Variants in SLC14A2 observed in about 807,000 individuals in gnomAD.
SLC14A2 encodes solute carrier family 14 member 2.
SLC14A2 carries 91 observed loss-of-function variants against 104.6 expected under a neutral mutation model. That is an observed-to-expected ratio of 0.87 (90% CI 0.73 to 1.04). SLC14A2 has a LOEUF of 1.04. Ranked by LOEUF, SLC14A2 falls within the 50% of genes least tolerant of loss-of-function variation. The pLI is 0.00. For synonymous variants in SLC14A2, 476 were observed against 466.4 expected, an observed-to-expected ratio of 1.02 and a Z score of -0.27; for missense variants, 1,189 against 1,156.0, an observed-to-expected ratio of 1.03 and a Z score of -0.41.
intron 10 of SLC14A2, among the ~76,000 whole-genome samples, chr18:45,645,636 T>TATATATATATATTTATAA (rs1377328839): frequency 6.7e-6 from 1 of 148,660 alleles, no homozygotes; most frequent in Non-Finnish European, 1.5e-5. Context: ...TATACAAAGA[T>TATATATATATATTTATAA]ATATATAGAT....
intron 2 of SLC14A2, among the ~76,000 whole-genome samples, chr18:45,556,214 C>T (rs2044131298): frequency 2.6e-5 from 4 of 152,178 alleles, no homozygotes; most frequent in South Asian, 2.1e-4. Context: ...ACTGAATCAC[C>T]TCCTAGTACC....
chr18:45,452,740 A>C (rs1368839946), intron 1 of SLC14A2, among the ~76,000 whole-genome samples: 1 of 152,230 alleles, frequency 6.6e-6, no homozygotes, highest in East Asian at 1.9e-4. Context: ...AGTCAAAGCC[A>C]TGAGGGGCTA....
At chr18:45,492,834 T>C (rs1016163833) in intron 2 of SLC14A2, among the ~76,000 whole-genome samples, 4 of 152,202 alleles carry the variant, frequency 2.6e-5, no homozygotes, top group African/African-American at 9.7e-5. Flanking sequence ...AGGTGCTGCT[T>C]TCCTCAATAG....
chr18:45,505,136 C>T (rs559945177), intron 2 of SLC14A2, among the ~76,000 whole-genome samples: 4 of 152,196 alleles, frequency 2.6e-5, no homozygotes, highest in South Asian at 2.1e-4. Context: ...CAAAGCAAAT[C>T]GGAAAGAAAC....
intron 1 of SLC14A2, among the ~76,000 whole-genome samples, chr18:45,308,361 A>T (rs1489425602): frequency 2.0e-5 from 3 of 152,206 alleles, no homozygotes; most frequent in African/African-American, 7.2e-5. Flanking sequence ...ATCACCTATT[A>T]AGTGGCATGG....
At chr18:45,292,194 G>A (rs544312762) in intron 1 of SLC14A2, among the ~76,000 whole-genome samples, 8 of 152,196 alleles carry the variant, frequency 5.3e-5, no homozygotes, top group Non-Finnish European at 1.2e-4. Context: ...TGTCTTTTGC[G>A]GCAACCCCTG....
chr18:45,245,553 T>C (rs1413013425), intron 1 of SLC14A2, among the ~76,000 whole-genome samples: 4 of 152,224 alleles, frequency 2.6e-5, no homozygotes, highest in African/African-American at 9.6e-5. Context: ...GAAAGCTCTC[T>C]GAGCATCCTG....
In SLC14A2 at chr18:45,624,796, G is replaced by A. The variant is rs577307899; in HGVS notation, c.132G>A (p.Leu44=). Residue 44 remains leucine (L), a synonymous_variant, in exon 2 of 20, where the codon CTG becomes CTA. Transcript: ENST00000255226. ...ATACTCACCCAGCTCTGCCCCTCCT[G>A]GAAATGCCTGAAGAAAAGGTGAGAA... ...SPDTHPALPL[L]EMPEEKDLRS... is the part of the protein sequence containing the mutation. The A allele has an allele frequency of 2.5e-5, 41 of 1,611,470 alleles. No individual in the cohort carries two copies. In the East Asian group the frequency reaches 8.7e-4, roughly 34 times the overall value.
chr18:45,395,130 C>T (rs544038070), intron 1 of SLC14A2, among the ~76,000 whole-genome samples: 5 of 152,200 alleles, frequency 3.3e-5, no homozygotes, highest in Non-Finnish European at 5.9e-5. Flanking sequence ...TGGAAACAAC[C>T]TAAATGTCCA....
At chr18:45,477,371 G>A (rs530156845) in intron 1 of SLC14A2, among the ~76,000 whole-genome samples, 2 of 152,250 alleles carry the variant, frequency 1.3e-5, no homozygotes, top group South Asian at 2.1e-4. Flanking sequence ...TCCCAGGGGG[G>A]TACCCACAAG....
At chr18:45,558,497 T>C (rs1449608755) in intron 2 of SLC14A2, among the ~76,000 whole-genome samples, 1 of 151,356 alleles carries the variant, frequency 6.6e-6, no homozygotes, top group South Asian at 2.1e-4. Context: ...GTCCCAGGAG[T>C]GGAAGGGAAG....
intron 1 of SLC14A2, among the ~76,000 whole-genome samples, chr18:45,278,425 T>C (rs548138894): frequency 7.2e-5 from 11 of 152,260 alleles, no homozygotes; most frequent in Admixed American, 5.2e-4. Flanking sequence ...CTGGGGGTAA[T>C]AAATTTGCCC....
chr18:45,654,992 C>A (rs1019430575), intron 10 of SLC14A2, among the ~76,000 whole-genome samples: 1 of 152,196 alleles, frequency 6.6e-6, no homozygotes, highest in Non-Finnish European at 1.5e-5. Flanking sequence ...CGATTCATTA[C>A]CTGCAGCTTC....
At chr18:45,281,930 C>T (rs1264050729) in intron 1 of SLC14A2, among the ~76,000 whole-genome samples, 1 of 152,158 alleles carries the variant, frequency 6.6e-6, no homozygotes, top group Non-Finnish European at 1.5e-5. Context: ...TGGCACCTGG[C>T]TGCCTCCCCT....
At chr18:45,324,655 T>C (rs922738908) in intron 1 of SLC14A2, among the ~76,000 whole-genome samples, 1 of 152,060 alleles carries the variant, frequency 6.6e-6, no homozygotes, top group Non-Finnish European at 1.5e-5. Context: ...GAGACTAGAA[T>C]GCAATTAGCC....
At chr18:45,284,534 C>T (rs1486865424) in intron 1 of SLC14A2, among the ~76,000 whole-genome samples, 1 of 151,610 alleles carries the variant, frequency 6.6e-6, no homozygotes, top group Non-Finnish European at 1.5e-5. Context: ...AGACCCTGGG[C>T]TCTAGTAGCT....
At chr18:45,666,705 G>A (rs142497818) in intron 12 of SLC14A2, among the ~76,000 whole-genome samples, 61 of 152,042 alleles carry the variant, frequency 4.0e-4, no homozygotes, top group Non-Finnish European at 7.9e-4. Context: ...CTCCTCCACA[G>A]AACGAAAGTA....
chr18:45,362,124 G>A (rs1276776349), intron 1 of SLC14A2, among the ~76,000 whole-genome samples: 2 of 152,220 alleles, frequency 1.3e-5, no homozygotes, highest in Non-Finnish European at 2.9e-5. Flanking sequence ...TAAAAGTGTA[G>A]CACTTCTTCA....
intron 1 of SLC14A2, among the ~76,000 whole-genome samples, chr18:45,367,187 C>T (rs1452422587): frequency 6.6e-6 from 1 of 152,108 alleles, no homozygotes; most frequent in Non-Finnish European, 1.5e-5. Context: ...ACTTTGAAGT[C>T]CACCTTTTCA....
Sources: gnomAD v4.1 joint callset for allele counts (sites outside exome capture counted in the v4.1 genomes callset) on GRCh38, gnomAD v4.1.1 for gene constraint, MANE v1.5 for transcripts, NCBI Gene and HGNC (gene_info 2026-07-23, HGNC 2026-07-21) for gene names.